PPP1R16B: variants seen among roughly 807,000 people sequenced by gnomAD.
PPP1R16B encodes the protein protein phosphatase 1 regulatory inhibitor subunit 16B.
In PPP1R16B, 14 loss-of-function variants were observed where a neutral mutation model predicts 61.7. The ratio of observed to expected loss-of-function variants is 0.23; its 90% confidence interval spans 0.15 to 0.35. The LOEUF (loss-of-function observed/expected upper bound fraction) is 0.35. Ranked by LOEUF, PPP1R16B falls within the 10% of genes least tolerant of loss-of-function variation. PPP1R16B has a pLI of 1.00. For missense variants in PPP1R16B, 547 were observed against 752.5 expected, an observed-to-expected ratio of 0.73 and a Z score of 3.19; for synonymous variants, 266 against 305.3, an observed-to-expected ratio of 0.87 and a Z score of 1.34.
chr20:38,900,646 C>A lies in PPP1R16B; in HGVS notation c.533C>A (p.Pro178His), dbSNP rs1348377306. Residue 178 changes from proline (P) to histidine (H), a missense_variant, in exon 5 of 11, where the codon CCC becomes CAC. Coordinates refer to ENST00000299824, the MANE Select transcript of PPP1R16B (RefSeq NM_015568.4). ...CCATATGACCTCTGCGAGGATGAACCCACCCTGGATGTCATCGAGACCTGC... is the reference window on the plus strand; with the variant it reads ...CCATATGACCTCTGCGAGGATGAACACACCCTGGATGTCATCGAGACCTGC... Reference protein sequence around the residue: ...NMPYDLCEDEPTLDVIETCMA... With the variant: ...NMPYDLCEDEHTLDVIETCMA... 1.4e-5 allele frequency: 23 copies of A among 1,594,104 alleles called. No homozygotes were observed. Among genetic ancestry groups the A allele is most frequent in the Non-Finnish European group, 2.0e-5 (23 of 1,172,058 alleles).
At chr20:38,868,348 G>T (rs146622510) in intron 2 of PPP1R16B, among the ~76,000 whole-genome samples, 189 of 151,998 alleles carry the variant, frequency 1.2e-3, no homozygotes, top group Non-Finnish European at 2.3e-3. Context: ...AATACAGAGA[G>T]ATCCCTTCTG....
At chr20:38,895,873 T>TC (rs1332353743) in intron 4 of PPP1R16B, among the ~76,000 whole-genome samples, 163 bp downstream of exon 4, 4 of 104,656 alleles carry the variant, frequency 3.8e-5, no homozygotes, top group Middle Eastern at 4.9e-3. Context: ...CCTCCCTCCC[T>TC]CCTTCCTTCT....
At chr20:38,914,658 G>A (rs2085518495) in intron 10 of PPP1R16B, among the ~76,000 whole-genome samples, 1 of 152,136 alleles carries the variant, frequency 6.6e-6, no homozygotes, top group African/African-American at 2.4e-5. Context: ...GATGGATATA[G>A]GTGGGTTTTG....
chr20:38,902,391 G>T (rs73287161), intron 5 of PPP1R16B, among the ~76,000 whole-genome samples: 4 of 152,182 alleles, frequency 2.6e-5, no homozygotes, highest in African/African-American at 7.2e-5. Context: ...AGGTGTGTAG[G>T]TGGATGGTAA....
At position 38,836,080 on chromosome 20, in the gene PPP1R16B, A is replaced by G; in HGVS notation, c.155A>G (p.Glu52Gly). The G allele has an allele frequency of 2.5e-6, 4 of 1,611,818 alleles. No individual in the cohort carries two copies. The highest frequency in any genetic ancestry group is 3.4e-6 in the Non-Finnish European group (4 of 1,179,612). Residue 52 changes from glutamate to glycine, a missense_variant, in exon 2 of 11, where the codon GAG (glutamate) becomes GGG (glycine). Coordinates refer to ENST00000299824, the MANE Select transcript of PPP1R16B (RefSeq NM_015568.4). ...TTGCAGCACCGCAAGCGAAAGCATG[A>G]GCGGAAGCGCAGCACGGGCGGCCGC... Reference protein sequence around the residue: ...QDLQHRKRKHERKRSTGGRRK... With the variant: ...QDLQHRKRKHGRKRSTGGRRK...
intron 2 of PPP1R16B, among the ~76,000 whole-genome samples, chr20:38,871,201 CAG>C (rs2085126693): frequency 6.6e-6 from 1 of 152,168 alleles, no homozygotes; most frequent in Admixed American, 6.5e-5. Flanking sequence ...GTCCTGTACA[CAG>C]AGTCCTGGCC....
chr20:38,810,634 G>A (rs1039487680), intron 1 of PPP1R16B, among the ~76,000 whole-genome samples: 6 of 152,156 alleles, frequency 3.9e-5, no homozygotes, highest in African/African-American at 7.2e-5. Context: ...TGGAGGAAGC[G>A]TCATGACCTG....
At chr20:38,881,201 A>C (rs2085201276) in intron 2 of PPP1R16B, among the ~76,000 whole-genome samples, 1 of 152,150 alleles carries the variant, frequency 6.6e-6, no homozygotes, top group South Asian at 2.1e-4. Context: ...AACTTGACTG[A>C]GTCTCCACCC....
rs1207021358 is a variant in PPP1R16B at position 38,918,503 on chromosome 20, G to A, written c.1541G>A (p.Ser514Asn). ...ATGGCCAGGACGGGCGAGAGTAGCA[G>A]TGAAGGCAAGGCCCCCTTGATCGGA... Reference protein sequence around the residue: ...SSMARTGESSSEGKAPLIGGR... With the variant: ...SSMARTGESSNEGKAPLIGGR... The change falls in exon 11 of 11, where the codon AGT (serine) becomes AAT (asparagine). Residue 514 changes from serine (S) to asparagine (N), a missense_variant. Transcript: ENST00000299824. This position sits in a 1 kb window ranked among gnomAD's most constrained non-coding sequence, Gnocchi z 5.3. 3 of 1,606,254 alleles carry A rather than the reference G, an allele frequency of 1.9e-6. 1 individual carries two copies. The South Asian group carries it at 3.3e-5, about 18-fold the overall frequency.
At chr20:38,860,560 G>T (rs79340928) in intron 2 of PPP1R16B, among the ~76,000 whole-genome samples, 1 of 152,240 alleles carries the variant, frequency 6.6e-6, no homozygotes, top group Non-Finnish European at 1.5e-5. Flanking sequence ...GGTGGAGATT[G>T]CAGGGGAGGG....
At chr20:38,821,621 A>G (rs959392442) in intron 1 of PPP1R16B, among the ~76,000 whole-genome samples, 14 of 152,186 alleles carry the variant, frequency 9.2e-5, no homozygotes, top group African/African-American at 3.4e-4. Context: ...TATTAGAACT[A>G]TCCCTAGTGA....
At chr20:38,872,521 G>A (rs1056600921) in intron 2 of PPP1R16B, among the ~76,000 whole-genome samples, 2 of 152,156 alleles carry the variant, frequency 1.3e-5, no homozygotes, top group South Asian at 2.1e-4. Context: ...TCACTGGCAG[G>A]GTTTGTTAAA....
intron 2 of PPP1R16B, among the ~76,000 whole-genome samples, chr20:38,844,191 G>A (rs1404131866): frequency 6.6e-6 from 1 of 152,056 alleles, no homozygotes; most frequent in Non-Finnish European, 1.5e-5. Context: ...TCCAAATGTT[G>A]ACACATTGCT....
At chr20:38,910,383 T>C (rs1047207153) in intron 10 of PPP1R16B, among the ~76,000 whole-genome samples, 3 of 152,236 alleles carry the variant, frequency 2.0e-5, no homozygotes, top group Non-Finnish European at 2.9e-5. Flanking sequence ...CTCTCCGTCC[T>C]TTCCCCCACT....
At position 38,908,110 on chromosome 20, in the gene PPP1R16B, C is replaced by CGGAGT. The variant is rs1223332950; in HGVS notation, c.1113_1117dup (p.Ala373GlyfsTer113). 1 of 1,614,088 alleles carries CGGAGT rather than the reference C, an allele frequency of 6.2e-7. No individual in the cohort carries two copies. Among genetic ancestry groups the CGGAGT allele is most frequent in the Non-Finnish European group, 8.5e-7 (1 of 1,180,034 alleles). ...TGAGGGAGAGGCCATCCTGTGGCAG[C>CGGAGT]GGAGTGCAGCTGAGGATCAGCGGAC... is the stretch of plus-strand genomic sequence containing the variant. On this transcript the variant is annotated frameshift_variant, in exon 10 of 11. Transcript: ENST00000299824. LOFTEE classifies it high-confidence loss of function.
At chr20:38,830,962 A>G (rs2084833106) in intron 1 of PPP1R16B, among the ~76,000 whole-genome samples, 1 of 152,208 alleles carries the variant, frequency 6.6e-6, no homozygotes, top group South Asian at 2.1e-4. Context: ...GTGATCAGTC[A>G]TAATAATGAA....
chr20:38,880,101 C>T (rs2085194214), intron 2 of PPP1R16B, among the ~76,000 whole-genome samples: 1 of 152,138 alleles, frequency 6.6e-6, no homozygotes, highest in Non-Finnish European at 1.5e-5. Flanking sequence ...TGACTGGGGG[C>T]CTGAACTACA....
At chr20:38,805,884 G>T in intron 1 of PPP1R16B, 92 bp downstream of exon 1, 1 of 151,506 alleles carries the variant, frequency 6.6e-6, no homozygotes, top group Non-Finnish European at 1.5e-5. Context: ...GTCCCAGCCT[G>T]CTATCACCTA....
At chr20:38,810,328 C>T (rs745898295) in intron 1 of PPP1R16B, among the ~76,000 whole-genome samples, 5 of 152,212 alleles carry the variant, frequency 3.3e-5, no homozygotes, top group Admixed American at 2.0e-4. Flanking sequence ...GCTATCCTGC[C>T]GGGAGCCCCG....
Sources: allele counts gnomAD v4.1 joint callset (sites outside exome capture counted in the v4.1 genomes callset), GRCh38; gene constraint gnomAD v4.1.1; non-coding constraint Gnocchi (gnomAD v3.1); transcripts MANE v1.5; gene names NCBI Gene and HGNC (gene_info 2026-07-23, HGNC 2026-07-21).